The following MARCHF3 variants were observed in gnomAD, a reference collection of about 807,000 sequenced individuals.
MARCHF3 encodes the protein E3 ubiquitin-protein ligase MARCHF3.
Under a neutral mutation model 24.2 loss-of-function variants are expected in MARCHF3, and 13 were observed. The observed-to-expected ratio is 0.54, with a 90% CI of 0.35 to 0.85. The LOEUF (loss-of-function observed/expected upper bound fraction) is 0.85, where lower values mean the gene tolerates loss of function less well. Ranked by LOEUF, MARCHF3 falls within the 40% of genes least tolerant of loss-of-function variation. MARCHF3 has a pLI of 0.01. For missense variants in MARCHF3, 276 were observed against 325.0 expected, an observed-to-expected ratio of 0.85 and a Z score of 1.16; for synonymous variants, 144 against 137.3, an observed-to-expected ratio of 1.05 and a Z score of -0.34.
intron 1 of MARCHF3, among the ~76,000 whole-genome samples, chr5:126,995,381 A>C (rs540548291): frequency 6.6e-6 from 1 of 152,206 alleles, no homozygotes; most frequent in Admixed American, 6.5e-5. Flanking sequence ...GTTGTTGCAC[A>C]TGTTCCTATC....
intron 1 of MARCHF3, among the ~76,000 whole-genome samples, chr5:127,007,913 T>C (rs553463956): frequency 6.6e-6 from 1 of 152,224 alleles, no homozygotes; most frequent in African/African-American, 2.4e-5. Context: ...CAAATACATA[T>C]ATGGACACAC....
intron 3 of MARCHF3, among the ~76,000 whole-genome samples, chr5:126,890,181 T>C (rs965148590): frequency 1.3e-5 from 2 of 152,182 alleles, no homozygotes; most frequent in African/African-American, 2.4e-5. Flanking sequence ...TTGCTGGTCT[T>C]ACTTCCTTTG....
chr5:126,980,806 T>C (rs1751368307), intron 1 of MARCHF3, among the ~76,000 whole-genome samples: 2 of 152,250 alleles, frequency 1.3e-5, no homozygotes, highest in African/African-American at 4.8e-5. Context: ...TGGCATACTA[T>C]AGGCATGAAG....
intron 1 of MARCHF3, among the ~76,000 whole-genome samples, chr5:126,992,552 C>T (rs1222848666): frequency 2.0e-5 from 3 of 152,052 alleles, no homozygotes; most frequent in Admixed American, 2.0e-4. Flanking sequence ...TGAATGTCTC[C>T]CTTAGCCAGG....
chr5:126,878,270 T>C lies in MARCHF3; in HGVS notation c.518A>G (p.His173Arg). 1 of 1,614,128 alleles carries C rather than the reference T, an allele frequency of 6.2e-7. No homozygotes were observed. Among genetic ancestry groups the C allele is most frequent in the Non-Finnish European group, 8.5e-7 (1 of 1,180,018 alleles). The stretch of plus-strand genomic sequence containing the variant: ...TTCCAGCCGACTACTAAAGTGCAGG[T>C]GGTCCACGGCGCCCCGCAGGCACAG... ...GWLCLRGAVD[H>R]LHFSSRLEAV... Residue 173 changes from histidine to arginine, a missense_variant, in exon 4 of 5, where the codon CAC (histidine) becomes CGC (arginine). By Grantham distance (29) the His-to-Arg change is conservative. Coordinates refer to ENST00000308660, the MANE Select transcript of MARCHF3 (RefSeq NM_178450.5).
At chr5:126,908,470 G>T (rs1435611651) in intron 3 of MARCHF3, among the ~76,000 whole-genome samples, 1 of 152,178 alleles carries the variant, frequency 6.6e-6, no homozygotes, top group Non-Finnish European at 1.5e-5. Flanking sequence ...ATCAGACATA[G>T]ATTTGGTCTT....
intron 1 of MARCHF3, among the ~76,000 whole-genome samples, chr5:127,026,545 AT>A (rs1286643543): frequency 4.6e-5 from 7 of 152,250 alleles, no homozygotes; most frequent in African/African-American, 1.7e-4. Flanking sequence ...ACAAGGTCAC[AT>A]TCAATATAAG....
At chr5:127,007,309 C>CT (rs1752338424) in intron 1 of MARCHF3, among the ~76,000 whole-genome samples, 1 of 149,844 alleles carries the variant, frequency 6.7e-6, no homozygotes. Context: ...CAAATGTTTC[C>CT]TAAAGATACA....
At chr5:126,907,884 G>C (rs1388717948) in intron 3 of MARCHF3, among the ~76,000 whole-genome samples, 1 of 151,578 alleles carries the variant, frequency 6.6e-6, no homozygotes, top group Non-Finnish European at 1.5e-5. Context: ...TGATTATTTT[G>C]CTCGTTAGTT....
chr5:126,935,586 C>T (rs1051159266), intron 1 of MARCHF3, among the ~76,000 whole-genome samples: 33 of 141,326 alleles, frequency 2.3e-4, no homozygotes, highest in African/African-American at 8.4e-4. Context: ...CTAAAAAGTA[C>T]GAATGTATAT....
intron 1 of MARCHF3, among the ~76,000 whole-genome samples, chr5:126,955,660 C>A (rs541807389): frequency 6.6e-6 from 1 of 152,058 alleles, no homozygotes; most frequent in Non-Finnish European, 1.5e-5. Context: ...GTAAGTTGTC[C>A]GTCTTTTTTA....
intron 1 of MARCHF3, among the ~76,000 whole-genome samples, chr5:126,967,998 C>A (rs1750874440): frequency 1.3e-5 from 2 of 152,192 alleles, no homozygotes; most frequent in South Asian, 4.1e-4. Context: ...CAGCCCCGGG[C>A]AACCACTAAT....
intron 1 of MARCHF3, among the ~76,000 whole-genome samples, chr5:127,004,986 C>T (rs943611123): frequency 6.6e-6 from 1 of 151,664 alleles, no homozygotes; most frequent in Admixed American, 6.6e-5. Context: ...TTTTCCTAAA[C>T]ACAAATCATA....
chr5:126,984,656 G>A (rs1751501290), intron 1 of MARCHF3, among the ~76,000 whole-genome samples: 1 of 152,322 alleles, frequency 6.6e-6, no homozygotes, highest in Non-Finnish European at 1.5e-5. Flanking sequence ...AAAATGCACT[G>A]ATGCTCACAT....
At chr5:126,945,078 T>TCCC (rs1749963714) in intron 1 of MARCHF3, among the ~76,000 whole-genome samples, 1 of 152,142 alleles carries the variant, frequency 6.6e-6, no homozygotes, top group African/African-American at 2.4e-5. Context: ...ACAAAGATGA[T>TCCC]CCCCTCTAAC....
chr5:127,021,279 G>A (rs1414918044), intron 1 of MARCHF3, among the ~76,000 whole-genome samples: 2 of 152,118 alleles, frequency 1.3e-5, no homozygotes, highest in African/African-American at 2.4e-5. Flanking sequence ...GGTTAGAAAT[G>A]AAGTCAAATA....
At chr5:126,911,559 T>C (rs1365663019) in intron 3 of MARCHF3, among the ~76,000 whole-genome samples, 2 of 152,238 alleles carry the variant, frequency 1.3e-5, no homozygotes, top group African/African-American at 4.8e-5. Flanking sequence ...GAGATTTGCA[T>C]TAGTTGGACT....
rs1372556389 is a variant in MARCHF3 at position 126,877,997 on chromosome 5, GACACACACACAGACAAACACAC to G, written c.603+166_603+187del. 5.3e-5 allele frequency among the ~76,000 whole-genome samples: 8 copies of G among 151,234 alleles called. No individual in the cohort carries two copies. The East Asian group carries it at 1.4e-3, about 26-fold the overall frequency. ...TTATGTGATCCGCCTTAGCAGCACA[GACACACACACAGACAAACACAC>G]ACACACACACATAGTCATAAACCAA... is the stretch of plus-strand genomic sequence containing the variant. On this transcript the variant is annotated intron_variant, in intron 4 of 4. Coordinates refer to ENST00000308660, the MANE Select transcript of MARCHF3 (RefSeq NM_178450.5).
In MARCHF3 at chr5:127,004,960, TA is replaced by T. The variant is rs763590930; in HGVS notation, c.-57+25389del. 7.8e-3 allele frequency among the ~76,000 whole-genome samples: 1,110 copies of T among 142,770 alleles called. 3 individuals carry two copies. Among genetic ancestry groups the T allele is most frequent in the Admixed American group, 0.019 (276 of 14,324 alleles). 93.7% of individuals were successfully genotyped at this position (142,770 alleles called of 152,430 possible). On this transcript the variant is annotated intron_variant, in intron 1 of 4. Coordinates refer to ENST00000308660, the MANE Select transcript of MARCHF3 (RefSeq NM_178450.5). ...AGCTGGTGTCAGCTGATGCTGGAGT[TA>T]AAAAAAAAAAAAGTTTTTCCTAAAC... is the stretch of plus-strand genomic sequence containing the variant.
Sources: gnomAD v4.1 joint callset for allele counts (sites outside exome capture counted in the v4.1 genomes callset) on GRCh38, gnomAD v4.1.1 for gene constraint, MANE v1.5 for transcripts, NCBI Gene and HGNC (gene_info 2026-07-23, HGNC 2026-07-21) for gene names.